Variants in MAGI2 observed in about 807,000 individuals in gnomAD.
MAGI2 encodes the protein membrane associated guanylate kinase, WW and PDZ domain containing 2.
A neutral mutation model predicts 133.3 loss-of-function variants in MAGI2; 35 were observed. The observed-to-expected ratio is 0.26, with a 90% confidence interval of 0.20 to 0.35. The LOEUF is 0.35. Among genes scored for constraint, MAGI2 ranks in the 10% least tolerant of loss-of-function variants. MAGI2 has a pLI of 1.00. For synonymous variants in MAGI2, 729 were observed against 710.6 expected (o/e 1.03, Z -0.41); for missense variants, 1,636 against 1,863.4 (o/e 0.88, Z 2.25).
intron 2 of MAGI2, among the ~76,000 whole-genome samples, chr7:78,681,006 G>A (rs1187632469): frequency 6.6e-6 from 1 of 152,090 alleles, no homozygotes; most frequent in Non-Finnish European, 1.5e-5. Context: ...TCTCATTGGA[G>A]GTGCTACTGG....
intron 2 of MAGI2, among the ~76,000 whole-genome samples, chr7:79,003,935 A>T (rs1807161358): frequency 6.6e-6 from 1 of 152,208 alleles, no homozygotes; most frequent in Non-Finnish European, 1.5e-5. Context: ...GTCTATTATT[A>T]AAAAGAGCAA....
chr7:78,633,077 G>A (rs995704066), intron 2 of MAGI2, among the ~76,000 whole-genome samples: 1 of 152,332 alleles, frequency 6.6e-6, no homozygotes, highest in East Asian at 1.9e-4. Context: ...ATGAACGACA[G>A]CATGTATTCT....
chr7:78,239,158 A>G (rs1431965658), intron 10 of MAGI2, among the ~76,000 whole-genome samples: 1 of 152,194 alleles, frequency 6.6e-6, no homozygotes, highest in Non-Finnish European at 1.5e-5. Flanking sequence ...GGAAAATACA[A>G]TGGAGAAAGG....
At chr7:79,219,318 CA>C (rs1830267135) in intron 1 of MAGI2, among the ~76,000 whole-genome samples, 2 of 151,814 alleles carry the variant, frequency 1.3e-5, no homozygotes, top group Admixed American at 6.6e-5. Context: ...TTACAGGAAA[CA>C]AATGGTAAAA....
intron 1 of MAGI2, among the ~76,000 whole-genome samples, chr7:79,189,978 AAT>A (rs1412593393): frequency 6.6e-6 from 1 of 151,848 alleles, no homozygotes; most frequent in Non-Finnish European, 1.5e-5. Context: ...CAAGCTGAAT[AAT>A]ACTCCATTGT....
chr7:78,898,749 T>C (rs1797395447), intron 2 of MAGI2, among the ~76,000 whole-genome samples: 1 of 151,322 alleles, frequency 6.6e-6, no homozygotes, highest in Admixed American at 6.6e-5. Context: ...ATCACACTCC[T>C]GTGATTGTAA....
At chr7:78,396,961 C>CT (rs1288088162) in intron 6 of MAGI2, among the ~76,000 whole-genome samples, 1 of 151,952 alleles carries the variant, frequency 6.6e-6, no homozygotes, top group Non-Finnish European at 1.5e-5. Context: ...GGAAATTTAG[C>CT]TTTTAGGTAC....
chr7:78,235,413 T>C (rs1790424388), intron 10 of MAGI2, among the ~76,000 whole-genome samples: 1 of 152,180 alleles, frequency 6.6e-6, no homozygotes, highest in South Asian at 2.1e-4. Context: ...CCAAGTCTCA[T>C]CTTGAACTGT....
chr7:79,244,186 ACAG>A (rs1832646181), intron 1 of MAGI2, among the ~76,000 whole-genome samples: 1 of 152,232 alleles, frequency 6.6e-6, no homozygotes, highest in African/African-American at 2.4e-5. Context: ...ACATACTGAG[ACAG>A]AGTAAGATGG....
At chr7:79,303,870 T>C (rs1315307999) in intron 1 of MAGI2, among the ~76,000 whole-genome samples, 4 of 152,178 alleles carry the variant, frequency 2.6e-5, no homozygotes, top group African/African-American at 9.7e-5. Context: ...TTGAAACACG[T>C]GGTTAATGTG....
chr7:79,313,659 A>G (rs897701081), intron 1 of MAGI2, among the ~76,000 whole-genome samples: 17 of 152,200 alleles, frequency 1.1e-4, no homozygotes, highest in Non-Finnish European at 1.5e-5. Flanking sequence ...GTTCGTTTAT[A>G]AAAGCCCATG....
At chr7:78,862,822 C>T (rs1195728075) in intron 2 of MAGI2, among the ~76,000 whole-genome samples, 1 of 152,162 alleles carries the variant, frequency 6.6e-6, no homozygotes, top group African/African-American at 2.4e-5. Flanking sequence ...TTTTCTCTCA[C>T]AAAGCCTCCA....
chr7:78,827,855 T>G (rs750712298), intron 2 of MAGI2, among the ~76,000 whole-genome samples: 27 of 152,146 alleles, frequency 1.8e-4, no homozygotes, highest in Non-Finnish European at 3.4e-4. Flanking sequence ...ATATCACCCT[T>G]GAGGAGGTGA....
intron 3 of MAGI2, among the ~76,000 whole-genome samples, chr7:78,606,485 G>GGAAGAAA (rs1490826134): frequency 1.3e-5 from 2 of 152,044 alleles, no homozygotes; most frequent in African/African-American, 4.8e-5. Context: ...AGGAGAACCA[G>GGAAGAAA]GAAGAAAGAA....
rs539138416 is a variant in MAGI2, at chr7:79,332,531, A to G, written c.301+120489T>C. ...TAGACTCCAGATTTCTCCTGATCCTATTAAATGTAGAGTCAAGAAGAATTA... is the reference window on the plus strand; with the variant it reads ...TAGACTCCAGATTTCTCCTGATCCTGTTAAATGTAGAGTCAAGAAGAATTA... On this transcript the variant is annotated intron_variant, in intron 1 of 21. Transcript: ENST00000354212. Among the ~76,000 whole-genome samples, 31 of 152,240 alleles carry G rather than the reference A, an allele frequency of 2.0e-4. 1 individual carries two copies. Among genetic ancestry groups the G allele is most frequent in the South Asian group, 6.2e-4 (3 of 4,818 alleles).
At chr7:78,591,024 T>A (rs1390983222) in intron 3 of MAGI2, among the ~76,000 whole-genome samples, 1 of 152,200 alleles carries the variant, frequency 6.6e-6, no homozygotes, top group Non-Finnish European at 1.5e-5. Context: ...ATTAATTTAT[T>A]CCTTTGACAA....
rs11318579 is a variant in MAGI2 at position 78,607,498 on chromosome 7, T to TA, written c.538+19621dup. Among the ~76,000 whole-genome samples the TA allele has an allele frequency of 9.1e-3, 1,273 of 139,566 alleles. 15 individuals carry two copies. Among genetic ancestry groups the TA allele is most frequent in the Middle Eastern group, 0.028 (8 of 284 alleles). The allele number at this position is 139,566 out of a possible 152,430, so 91.6% of individuals were successfully genotyped here. On this transcript the variant is annotated intron_variant, in intron 3 of 21. Coordinates refer to ENST00000354212, the MANE Select transcript of MAGI2 (RefSeq NM_012301.4). Reference sequence around the variant, plus strand: ...CATCTCATTAGAAAGAAGTCAAACTTAAAAAAAAAAAAAAAAGAGAGTCTC... The same window carrying TA: ...CATCTCATTAGAAAGAAGTCAAACTTAAAAAAAAAAAAAAAAAGAGAGTCTC...
chr7:79,426,212 A>G (rs1847360209), intron 1 of MAGI2, among the ~76,000 whole-genome samples: 1 of 152,178 alleles, frequency 6.6e-6, no homozygotes, highest in Non-Finnish European at 1.5e-5. Flanking sequence ...TTGAGCATTC[A>G]GACAATTTGG....
chr7:78,296,290 C>A (rs770916476), intron 9 of MAGI2, among the ~76,000 whole-genome samples: 1 of 152,190 alleles, frequency 6.6e-6, no homozygotes, highest in Non-Finnish European at 1.5e-5. Context: ...TGTAATCTCA[C>A]CCTAATTCAT....
Sources: gnomAD v4.1 joint callset for allele counts (sites outside exome capture counted in the v4.1 genomes callset) on GRCh38, gnomAD v4.1.1 for gene constraint, MANE v1.5 for transcripts, NCBI Gene and HGNC (gene_info 2026-07-23, HGNC 2026-07-21) for gene names.